PTPRD: variants seen among roughly 807,000 people sequenced by gnomAD.
PTPRD encodes the protein protein tyrosine phosphatase receptor type D, also known as receptor-type tyrosine-protein phosphatase delta.
PTPRD carries 34 observed loss-of-function variants against 214.5 expected under a neutral mutation model. The ratio of observed to expected loss-of-function variants is 0.16; its 90% CI spans 0.12 to 0.21. The LOEUF is 0.21. Ranked by LOEUF, PTPRD falls within the 10% of genes least tolerant of loss-of-function variation. The pLI is 1.00. For synonymous variants in PTPRD, 1,128 were observed against 845.7 expected (o/e 1.33, Z -5.79); for missense variants, 2,545 against 2,398.7 (o/e 1.06, Z -1.27).
At chr9:9,004,991 A>G (rs1298926121) in intron 11 of PTPRD, among the ~76,000 whole-genome samples, 3 of 152,122 alleles carry the variant, frequency 2.0e-5, no homozygotes, top group Non-Finnish European at 4.4e-5. Flanking sequence ...TAAACTCATT[A>G]TAGGCCATAG....
At chr9:8,356,344 T>C (rs1195419161) in intron 39 of PTPRD, among the ~76,000 whole-genome samples, 1 of 152,146 alleles carries the variant, frequency 6.6e-6, no homozygotes, top group African/African-American at 2.4e-5. Context: ...CAAACAAAGA[T>C]AACAGAACTA....
At chr9:8,468,567 G>A (rs12340424) in intron 31 of PTPRD, among the ~76,000 whole-genome samples, 33,890 of 151,660 alleles carry the variant, frequency 0.22, 3,844 homozygotes, top group East Asian at 0.3. Context: ...TGAGAGTAAT[G>A]CTGTTTGGAA....
At chr9:10,318,864 TG>T (rs1401992951) in intron 3 of PTPRD, among the ~76,000 whole-genome samples, 5 of 152,056 alleles carry the variant, frequency 3.3e-5, no homozygotes, top group Non-Finnish European at 5.9e-5. Flanking sequence ...AATGTTTCCT[TG>T]TCAGGCATTG....
At chr9:9,673,031 C>G (rs2096860380) in intron 7 of PTPRD, among the ~76,000 whole-genome samples, 1 of 151,922 alleles carries the variant, frequency 6.6e-6, no homozygotes, top group South Asian at 2.1e-4. Context: ...AAAATACAGA[C>G]AAATTACCAA....
At chr9:9,261,729 A>G (rs993995689) in intron 9 of PTPRD, among the ~76,000 whole-genome samples, 2 of 151,462 alleles carry the variant, frequency 1.3e-5, no homozygotes, top group Non-Finnish European at 3.0e-5. Context: ...TAATAAATCA[A>G]TTTTGAAGAG....
chr9:8,773,961 CCT>C (rs971682630), intron 11 of PTPRD, among the ~76,000 whole-genome samples: 16 of 152,170 alleles, frequency 1.1e-4, no homozygotes, highest in Non-Finnish European at 2.9e-5. Flanking sequence ...CTACCTTCTC[CCT>C]CTCTCCTGAC....
chr9:9,569,265 T>C (rs549307339), intron 8 of PTPRD, among the ~76,000 whole-genome samples: 55 of 151,008 alleles, frequency 3.6e-4, no homozygotes, highest in Admixed American at 1.3e-3. Flanking sequence ...CAATAATTTC[T>C]ACAGAGCAGA....
At chr9:8,945,589 C>A (rs992025425) in intron 11 of PTPRD, among the ~76,000 whole-genome samples, 1 of 152,118 alleles carries the variant, frequency 6.6e-6, no homozygotes, top group East Asian at 1.9e-4. Context: ...ACACAATAAA[C>A]CCTTCACTGG....
chr9:8,638,031 A>G (rs562499304), intron 12 of PTPRD, among the ~76,000 whole-genome samples: 4 of 151,576 alleles, frequency 2.6e-5, no homozygotes, highest in Admixed American at 6.6e-5. Context: ...CATCTTTTAC[A>G]CTTCCTTGAG....
At chr9:10,366,784 A>T (rs191987854) in intron 2 of PTPRD, among the ~76,000 whole-genome samples, 1 of 152,288 alleles carries the variant, frequency 6.6e-6, no homozygotes, top group East Asian at 1.9e-4. Context: ...TTTTGATGCC[A>T]CATACATACG....
At position 9,871,699 on chromosome 9, in the gene PTPRD, G is replaced by A. The variant is rs553068302; in HGVS notation, c.-368+66808C>T. Among the ~76,000 whole-genome samples the A allele has an allele frequency of 2.6e-5, 4 of 151,298 alleles. No homozygotes were observed. In the East Asian group the frequency reaches 7.9e-4, roughly 30 times the overall value. ...CTGGGAGAAGAAGTGCAGGGGCAGA[G>A]GGTATGCAACCTAACCTCTTTGGAC... is the stretch of plus-strand genomic sequence containing the variant. On this transcript the variant is annotated intron_variant, in intron 5 of 45. Coordinates refer to ENST00000381196, the MANE Select transcript of PTPRD (RefSeq NM_002839.4).
chr9:9,635,232 G>A (rs1032402759), intron 7 of PTPRD, among the ~76,000 whole-genome samples: 1 of 152,196 alleles, frequency 6.6e-6, no homozygotes, highest in Admixed American at 6.5e-5. Flanking sequence ...TTATGTCTGA[G>A]GGATGTATGC....
At chr9:9,148,166 A>C (rs888277140) in intron 10 of PTPRD, among the ~76,000 whole-genome samples, 2 of 152,192 alleles carry the variant, frequency 1.3e-5, no homozygotes, top group African/African-American at 4.8e-5. Flanking sequence ...TCCAGAGAGA[A>C]AGTTTTTGCT....
At chr9:9,999,335 G>C (rs2096252622) in intron 4 of PTPRD, among the ~76,000 whole-genome samples, 1 of 152,176 alleles carries the variant, frequency 6.6e-6, no homozygotes, top group Admixed American at 6.5e-5. Flanking sequence ...GAAGACCTTA[G>C]GCTGAAAATC....
chr9:9,214,849 C>T (rs979083033), intron 9 of PTPRD, among the ~76,000 whole-genome samples: 4 of 152,092 alleles, frequency 2.6e-5, no homozygotes, highest in African/African-American at 9.7e-5. Context: ...TATGTACTAA[C>T]AGTATTACTT....
In PTPRD at chr9:9,249,284, T is replaced by C. The variant is rs115777579; in HGVS notation, c.-202-65921A>G. 6.8e-3 allele frequency among the ~76,000 whole-genome samples: 1,033 copies of C among 152,158 alleles called. 11 individuals are homozygous for C. The highest frequency in any genetic ancestry group is 0.023 in the African/African-American group (962 of 41,552). On this transcript the variant is annotated intron_variant, in intron 9 of 45. Coordinates refer to ENST00000381196, the MANE Select transcript of PTPRD (RefSeq NM_002839.4). ...ACTTCCATCATAAGTAAAGGCTACC[T>C]GAGGGCTCACCAGAATCAGACGCTG...
intron 4 of PTPRD, among the ~76,000 whole-genome samples, chr9:9,954,305 A>AC (rs2093712714): frequency 6.8e-6 from 1 of 146,226 alleles, no homozygotes; most frequent in Non-Finnish European, 1.5e-5. Flanking sequence ...AACAAAAAAA[A>AC]AAAAAAAAAA....
intron 8 of PTPRD, among the ~76,000 whole-genome samples, chr9:9,564,254 C>G (rs896969785): frequency 6.6e-6 from 1 of 152,058 alleles, no homozygotes; most frequent in African/African-American, 2.4e-5. Flanking sequence ...AAGAAAATCT[C>G]CATGAGTGAT....
chr9:9,884,358 A>G (rs117644764), intron 5 of PTPRD, among the ~76,000 whole-genome samples: 50 of 152,242 alleles, frequency 3.3e-4, no homozygotes, highest in Non-Finnish European at 5.9e-4. Context: ...AACAACATCT[A>G]TTCTTTCACC....
Sources: allele counts gnomAD v4.1 joint callset (sites outside exome capture counted in the v4.1 genomes callset), GRCh38; gene constraint gnomAD v4.1.1; transcripts MANE v1.5; gene names NCBI Gene and HGNC (gene_info 2026-07-23, HGNC 2026-07-21).